CPNE4: variants seen among roughly 807,000 people sequenced by gnomAD.
CPNE4 encodes copine 4, also known as copine-4.
Under a neutral mutation model 67.9 loss-of-function variants are expected in CPNE4, and 25 were observed. The observed-to-expected ratio is 0.37, with a 90% CI of 0.27 to 0.51. CPNE4 has a LOEUF of 0.51. CPNE4 is among the 20% of genes least tolerant of loss of function. The pLI is 0.93. For synonymous variants in CPNE4, 242 were observed against 244.9 expected (o/e 0.99, Z 0.11); for missense variants, 464 against 690.8 (o/e 0.67, Z 3.68).
intron 3 of CPNE4, among the ~76,000 whole-genome samples, chr3:131,720,744 T>C (rs2081862664): frequency 6.6e-6 from 1 of 152,216 alleles, no homozygotes; most frequent in Admixed American, 6.5e-5. Context: ...TGGTATCTAC[T>C]TGACCACTTT....
chr3:131,891,984 C>CA lies in CPNE4; in HGVS notation c.180+13279dup, dbSNP rs549040638. 5.0e-4 allele frequency among the ~76,000 whole-genome samples: 76 copies of CA among 152,018 alleles called. 1 individual carries two copies. Among genetic ancestry groups the CA allele is most frequent in the African/African-American group, 1.8e-3 (75 of 41,482 alleles). On this transcript the variant is annotated intron_variant, in intron 2 of 15. Coordinates refer to ENST00000429747, the MANE Select transcript of CPNE4 (RefSeq NM_130808.3). ...ACACTGAAGGGCACCATGGGAATGGCAAAAAATCTCTGTGGAGTATGAAAG... is the reference window on the plus strand; with the variant it reads ...ACACTGAAGGGCACCATGGGAATGGCAAAAAAATCTCTGTGGAGTATGAAAG...
intron 11 of CPNE4, among the ~76,000 whole-genome samples, chr3:131,562,895 T>G (rs1361083559): frequency 6.6e-6 from 1 of 152,044 alleles, no homozygotes; most frequent in Non-Finnish European, 1.5e-5. Context: ...ATTGACTTTT[T>G]TCCTGGATGT....
intron 2 of CPNE4, among the ~76,000 whole-genome samples, chr3:131,762,404 A>G (rs1037082358): frequency 6.6e-6 from 1 of 152,152 alleles, no homozygotes; most frequent in Admixed American, 6.6e-5. Flanking sequence ...GAATGCAGGT[A>G]GTTTTATTCC....
intron 11 of CPNE4, among the ~76,000 whole-genome samples, chr3:131,562,775 C>T (rs1169506349): frequency 6.6e-6 from 1 of 152,010 alleles, no homozygotes; most frequent in African/African-American, 2.4e-5. Flanking sequence ...CACCCACTGC[C>T]TGCATTGGGG....
chr3:131,608,507 G>A (rs560003531), intron 7 of CPNE4, among the ~76,000 whole-genome samples: 3 of 152,270 alleles, frequency 2.0e-5, no homozygotes, highest in South Asian at 4.1e-4. Flanking sequence ...TGTGCTAAAT[G>A]CACTGAGATA....
chr3:131,784,654 G>A (rs1043855618), intron 2 of CPNE4, among the ~76,000 whole-genome samples: 1 of 152,104 alleles, frequency 6.6e-6, no homozygotes, highest in Admixed American at 6.6e-5. Flanking sequence ...CAGTGGGATT[G>A]GGCTTCAGAT....
chr3:131,983,805 C>T (rs1188958361), intron 1 of CPNE4, among the ~76,000 whole-genome samples: 1 of 152,184 alleles, frequency 6.6e-6, no homozygotes, highest in Non-Finnish European at 1.5e-5. Context: ...CAGGCAGTTG[C>T]AGCCACTATA....
At chr3:131,790,663 C>T (rs2083693126) in intron 2 of CPNE4, among the ~76,000 whole-genome samples, 1 of 152,092 alleles carries the variant, frequency 6.6e-6, no homozygotes, top group African/African-American at 2.4e-5. Flanking sequence ...TCTTTCTTGA[C>T]TTCTCTTGCC....
At chr3:131,992,920 C>A (rs531939027) in intron 1 of CPNE4, among the ~76,000 whole-genome samples, 1 of 136,234 alleles carries the variant, frequency 7.3e-6, no homozygotes, top group Non-Finnish European at 1.7e-5. Context: ...TTTGCTTCCC[C>A]TTCTGCCATG....
chr3:131,851,539 G>A (rs1374818500), intron 2 of CPNE4, among the ~76,000 whole-genome samples: 1 of 152,062 alleles, frequency 6.6e-6, no homozygotes, highest in Non-Finnish European at 1.5e-5. Flanking sequence ...TGACTTCCAT[G>A]CTCACATTTA....
At chr3:131,656,053 C>CTTTTTTTT (rs11360041) in intron 7 of CPNE4, among the ~76,000 whole-genome samples, 1 of 131,668 alleles carries the variant, frequency 7.6e-6, no homozygotes, top group Non-Finnish European at 1.6e-5. Context: ...AATACTGTTT[C>CTTTTTTTT]TTTTTTTTTT....
intron 1 of CPNE4, among the ~76,000 whole-genome samples, chr3:132,032,990 G>A (rs1426146556): frequency 1.3e-5 from 2 of 152,212 alleles, no homozygotes; most frequent in Non-Finnish European, 2.9e-5. Flanking sequence ...TCATAGGACG[G>A]TGGGTGTTTG....
intron 2 of CPNE4, among the ~76,000 whole-genome samples, chr3:131,823,123 G>A (rs1469115583): frequency 1.3e-5 from 2 of 152,234 alleles, no homozygotes; most frequent in Admixed American, 6.5e-5. Flanking sequence ...ACAGGCATGA[G>A]CCACTGCGCC....
intron 7 of CPNE4, 54 bp from the exon 8 acceptor site, chr3:131,587,636 G>C: frequency 7.8e-7 from 1 of 1,281,716 alleles, no homozygotes; most frequent in East Asian, 2.3e-5. Flanking sequence ...AGCCACAGCA[G>C]CTGAAGGCAA....
chr3:131,611,484 T>C (rs1404093459), intron 7 of CPNE4, among the ~76,000 whole-genome samples: 4 of 152,200 alleles, frequency 2.6e-5, no homozygotes, highest in Non-Finnish European at 5.9e-5. Flanking sequence ...TCTTGATTGT[T>C]GCTCTTGGCT....
At chr3:131,887,668 T>C (rs2087949546) in intron 2 of CPNE4, among the ~76,000 whole-genome samples, 2 of 152,240 alleles carry the variant, frequency 1.3e-5, no homozygotes, top group Non-Finnish European at 2.9e-5. Flanking sequence ...AAGTTTAATG[T>C]TCAGGGTAGA....
chr3:131,636,635 C>T (rs1374737017), intron 7 of CPNE4, among the ~76,000 whole-genome samples: 2 of 152,182 alleles, frequency 1.3e-5, no homozygotes, highest in African/African-American at 4.8e-5. Context: ...AACTTTAATA[C>T]TTGACCAGGT....
At chr3:131,600,990 TC>T (rs902910116) in intron 7 of CPNE4, among the ~76,000 whole-genome samples, 1 of 152,174 alleles carries the variant, frequency 6.6e-6, no homozygotes, top group African/African-American at 2.4e-5. Context: ...GGGCAAAACT[TC>T]CTTTTCCAAA....
chr3:131,911,453 T>A (rs2088971212), intron 1 of CPNE4, among the ~76,000 whole-genome samples: 1 of 152,104 alleles, frequency 6.6e-6, no homozygotes, highest in Non-Finnish European at 1.5e-5. Flanking sequence ...ATAATAAATG[T>A]GTGCTGTTTT....
Sources: gnomAD v4.1 joint callset for allele counts (sites outside exome capture counted in the v4.1 genomes callset) on GRCh38, gnomAD v4.1.1 for gene constraint, MANE v1.5 for transcripts, NCBI Gene and HGNC (gene_info 2026-07-23, HGNC 2026-07-21) for gene names.